The following ZFPM2 variants were observed in gnomAD, a reference collection of about 807,000 sequenced individuals.
The protein encoded by ZFPM2 is zinc finger protein, FOG family member 2, also known as zinc finger protein ZFPM2.
ZFPM2 carries 20 observed loss-of-function variants against 98.6 expected under a neutral mutation model. The ratio of observed to expected loss-of-function variants is 0.20; its 90% CI spans 0.14 to 0.29. The LOEUF (loss-of-function observed/expected upper bound fraction) is 0.29. Among genes scored for constraint, ZFPM2 ranks in the 10% least tolerant of loss-of-function variants. The probability of loss-of-function intolerance (pLI) is 1.00; values close to 1 mark genes in which losing one functional copy is unlikely to be tolerated. For synonymous variants in ZFPM2, 518 were observed against 502.7 expected, an observed-to-expected ratio of 1.03 and a Z score of -0.41; for missense variants, 1,310 against 1,388.6, an observed-to-expected ratio of 0.94 and a Z score of 0.90.
chr8:105,427,799 T>C (rs1326660524), intron 2 of ZFPM2, among the ~76,000 whole-genome samples: 3 of 152,220 alleles, frequency 2.0e-5, no homozygotes, highest in Non-Finnish European at 4.4e-5. Context: ...AGGATGCAGA[T>C]TGCTGTTTCA....
At chr8:105,560,318 A>G (rs73306257) in intron 3 of ZFPM2, among the ~76,000 whole-genome samples, 11,199 of 152,140 alleles carry the variant, frequency 0.074, 811 homozygotes, top group African/African-American at 0.19. Context: ...CACCAACCTA[A>G]TATTTCTTTC....
At chr8:105,613,587 T>G (rs1816351676) in intron 4 of ZFPM2, among the ~76,000 whole-genome samples, 1 of 152,120 alleles carries the variant, frequency 6.6e-6, no homozygotes, top group Non-Finnish European at 1.5e-5. Context: ...TTTGGTATCT[T>G]TTTAGCGTCA....
At chr8:105,614,323 T>A (rs569603297) in intron 4 of ZFPM2, among the ~76,000 whole-genome samples, 1 of 152,276 alleles carries the variant, frequency 6.6e-6, no homozygotes, top group African/African-American at 2.4e-5. Context: ...ATGTGGAGTT[T>A]CCTAAAAGAG....
At chr8:105,319,770 T>C (rs1811984391) in intron 1 of ZFPM2, 1 of 152,130 alleles carries the variant, frequency 6.6e-6, no homozygotes, top group Non-Finnish European at 1.5e-5. Context: ...TTCAAGGCGG[T>C]GGGCGCGCAG....
intron 5 of ZFPM2, among the ~76,000 whole-genome samples, chr8:105,657,901 A>G (rs996608391): frequency 6.6e-6 from 1 of 152,182 alleles, no homozygotes; most frequent in Admixed American, 6.5e-5. Flanking sequence ...AATAGAAACA[A>G]TTCAGCCCAC....
intron 1 of ZFPM2, among the ~76,000 whole-genome samples, chr8:105,336,221 G>T (rs1423128366): frequency 6.6e-6 from 1 of 151,660 alleles, no homozygotes. Context: ...TTTAATCCGT[G>T]ACTCAGTTTC....
In ZFPM2 at chr8:105,658,586, C is replaced by CAAAAAAAAAAA. The variant is rs773181953; in HGVS notation, c.532+24244_532+24254dup. Among the ~76,000 whole-genome samples, 28 of 7,904 alleles carry CAAAAAAAAAAA rather than the reference C, an allele frequency of 3.5e-3. 2 individuals carry two copies. Among genetic ancestry groups the CAAAAAAAAAAA allele is most frequent in the African/African-American group, 0.018 (25 of 1,416 alleles). The allele number at this position is 7,904 out of a possible 152,430, so 5.2% of individuals were successfully genotyped here. ...CCTGGGCGACAGCGAGACTCCGTCT[C>CAAAAAAAAAAA]AAAAAAAAAAAAAAAAAAAAAAAAA... On this transcript the variant is annotated intron_variant, in intron 5 of 7. Coordinates refer to ENST00000407775, the MANE Select transcript of ZFPM2 (RefSeq NM_012082.4).
intron 1 of ZFPM2, among the ~76,000 whole-genome samples, chr8:105,324,232 A>G (rs765438228): frequency 2.6e-5 from 4 of 151,860 alleles, no homozygotes; most frequent in Non-Finnish European, 5.9e-5. Flanking sequence ...TCTGGGGATA[A>G]ATTAAGATAG....
chr8:105,330,603 TATATATACAC>T (rs1563606826), intron 1 of ZFPM2, among the ~76,000 whole-genome samples: 4 of 33,796 alleles, frequency 1.2e-4, no homozygotes, highest in African/African-American at 6.1e-4. Context: ...TACATATATA[TATATATACAC>T]ATATATATAT....
chr8:105,683,499 A>G (rs1810659751), intron 5 of ZFPM2, among the ~76,000 whole-genome samples: 2 of 152,096 alleles, frequency 1.3e-5, no homozygotes, highest in African/African-American at 2.4e-5. Context: ...GTCTTTTTCT[A>G]TACACAAAAT....
intron 1 of ZFPM2, among the ~76,000 whole-genome samples, chr8:105,402,007 AT>A (rs1372118190): frequency 1.3e-5 from 2 of 151,964 alleles, no homozygotes; most frequent in Admixed American, 1.3e-4. Flanking sequence ...TTATATCCTT[AT>A]TTTTTGTTTC....
chr8:105,625,643 C>T (rs1044364157), intron 4 of ZFPM2, among the ~76,000 whole-genome samples: 3 of 150,992 alleles, frequency 2.0e-5, no homozygotes, highest in Non-Finnish European at 2.9e-5. Flanking sequence ...TGCAGTGGTG[C>T]GATCTCGGCT....
At chr8:105,701,098 G>A (rs931845572) in intron 5 of ZFPM2, among the ~76,000 whole-genome samples, 22 of 152,146 alleles carry the variant, frequency 1.4e-4, no homozygotes, top group African/African-American at 5.3e-4. Context: ...GAGAAATAAA[G>A]TGTTTTTCAT....
chr8:105,330,599 T>TAC (rs1563606793), intron 1 of ZFPM2, among the ~76,000 whole-genome samples: 6 of 39,922 alleles, frequency 1.5e-4, no homozygotes, highest in East Asian at 5.9e-4. Flanking sequence ...TATATACATA[T>TAC]ATATATATAT....
chr8:105,362,043 C>T (rs1208456899), intron 1 of ZFPM2, among the ~76,000 whole-genome samples: 1 of 151,930 alleles, frequency 6.6e-6, no homozygotes, highest in Non-Finnish European at 1.5e-5. Flanking sequence ...TGTTGTTAAG[C>T]CAGGCATGAT....
At position 105,694,311 on chromosome 8, in the gene ZFPM2, A is replaced by T. The variant is rs1227130383; in HGVS notation, c.532+59954A>T. Among the ~76,000 whole-genome samples the T allele has an allele frequency of 2.0e-5, 3 of 151,948 alleles. No homozygotes were observed. The East Asian group carries it at 5.8e-4, about 29-fold the overall frequency. Reference sequence around the variant, plus strand: ...TCTCCAAATTTTTTTAAGTTTCATTATTTGCTTCATTGACTCAAATAGAGT... The same window carrying T: ...TCTCCAAATTTTTTTAAGTTTCATTTTTTGCTTCATTGACTCAAATAGAGT... On this transcript the variant is annotated intron_variant, in intron 5 of 7. Transcript: ENST00000407775.
At chr8:105,667,130 A>C (rs796302966) in intron 5 of ZFPM2, among the ~76,000 whole-genome samples, 31 of 152,314 alleles carry the variant, frequency 2.0e-4, no homozygotes, top group African/African-American at 6.7e-4. Flanking sequence ...AAATAAATGA[A>C]AAGAAGCCTA....
intron 1 of ZFPM2, among the ~76,000 whole-genome samples, chr8:105,322,451 CTTT>C (rs11303818): frequency 2.0e-4 from 25 of 125,194 alleles, no homozygotes; most frequent in Non-Finnish European, 2.4e-4. Context: ...GTGGACATCA[CTTT>C]TTTTTTTTTT....
chr8:105,778,413 A>T (rs184812054), intron 5 of ZFPM2, among the ~76,000 whole-genome samples: 7 of 152,070 alleles, frequency 4.6e-5, no homozygotes, highest in Non-Finnish European at 1.0e-4. Flanking sequence ...TAATGACCAA[A>T]CAAGTAAGTA....
Sources: allele counts gnomAD v4.1 joint callset (sites outside exome capture counted in the v4.1 genomes callset), GRCh38; gene constraint gnomAD v4.1.1; transcripts MANE v1.5; gene names NCBI Gene and HGNC (gene_info 2026-07-23, HGNC 2026-07-21).